GAB2: variants seen among roughly 807,000 people sequenced by gnomAD.
GAB2 encodes the protein GRB2-associated-binding protein 2.
A neutral mutation model predicts 65.5 loss-of-function variants in GAB2; 26 were observed. The observed-to-expected ratio is 0.40, with a 90% CI of 0.29 to 0.55. GAB2 has a LOEUF of 0.55. Among genes scored for constraint, GAB2 ranks in the 20% least tolerant of loss-of-function variants. The pLI is 0.53. For missense variants in GAB2, 884 were observed against 875.8 expected, an observed-to-expected ratio of 1.01 and a Z score of -0.12; for synonymous variants, 321 against 329.6, an observed-to-expected ratio of 0.97 and a Z score of 0.28.
intron 2 of GAB2, among the ~76,000 whole-genome samples, chr11:78,259,808 G>C (rs1283259876): frequency 6.6e-6 from 1 of 152,114 alleles, no homozygotes; most frequent in Non-Finnish European, 1.5e-5. Flanking sequence ...AGGCCACACA[G>C]AAGGTCAGAA....
At chr11:78,291,561 CTTTTTTTTTTTTT>C in intron 1 of GAB2, among the ~76,000 whole-genome samples, 1 of 80,896 alleles carries the variant, frequency 1.2e-5, no homozygotes, top group East Asian at 3.8e-4. Flanking sequence ...TTTTCTTTTT[CTTTTTTTTTTTTT>C]TTTTTTTTTT....
Position 78,221,974 on chromosome 11 carries a change from C to T in GAB2, c.1658+131G>A, listed in dbSNP as rs2629608. The T allele has an allele frequency of 4.7e-5, 34 of 722,668 alleles. No individual in the cohort carries two copies. In the East Asian group the frequency reaches 4.9e-4, roughly 11 times the overall value. The allele number at this position is 722,668 out of a possible 1,614,324, so 44.8% of individuals were successfully genotyped here. On this transcript the variant is annotated intron_variant, in intron 7 of 9. Coordinates refer to ENST00000361507, the MANE Select transcript of GAB2 (RefSeq NM_080491.3). ...CTGAGGAAACCAAGCCACAAGACAT[C>T]GAGACATGATCAGCTAATGATAGCG...
intron 1 of GAB2, among the ~76,000 whole-genome samples, chr11:78,369,078 C>G (rs1259299093): frequency 1.3e-5 from 2 of 148,928 alleles, no homozygotes; most frequent in Non-Finnish European, 3.0e-5. Flanking sequence ...GTCAAGGCTG[C>G]AGTGAGCAAT....
Position 78,353,805 on chromosome 11 carries a change from A to C in GAB2, c.75+63841T>G, listed in dbSNP as rs538506083. Among the ~76,000 whole-genome samples the C allele has an allele frequency of 1.2e-3, 177 of 152,370 alleles. 1 individual carries two copies. Among genetic ancestry groups the C allele is most frequent in the African/African-American group, 4.0e-3 (167 of 41,584 alleles). On this transcript the variant is annotated intron_variant, in intron 1 of 9. Transcript: ENST00000361507. ...AAATAACTGCCTATGGCTAATGACT[A>C]CTGTATTGGACAGTGCAGCTCTAGA...
At chr11:78,324,947 G>A (rs772089323) in intron 1 of GAB2, among the ~76,000 whole-genome samples, 5 of 152,088 alleles carry the variant, frequency 3.3e-5, no homozygotes, top group Admixed American at 1.3e-4. Context: ...TTAAACTTTC[G>A]GGAACTTTGC....
intron 2 of GAB2, among the ~76,000 whole-genome samples, chr11:78,253,773 A>G (rs1482088203): frequency 6.6e-6 from 1 of 152,212 alleles, no homozygotes; most frequent in Non-Finnish European, 1.5e-5. Context: ...CATTAAGCCC[A>G]GTGTGTGACA....
chr11:78,289,296 A>G (rs553943005), intron 1 of GAB2, among the ~76,000 whole-genome samples: 9 of 152,352 alleles, frequency 5.9e-5, no homozygotes, highest in African/African-American at 2.2e-4. Flanking sequence ...TGCCAAAGCA[A>G]TCAAGCATCC....
intron 1 of GAB2, among the ~76,000 whole-genome samples, chr11:78,287,371 T>TG (rs58648598): frequency 0.27 from 40,924 of 151,996 alleles, 6,630 homozygotes; most frequent in African/African-American, 0.44. Context: ...CTCAACCTCC[T>TG]GGCTCAAGTG....
chr11:78,323,653 G>A (rs1855767767), intron 1 of GAB2, among the ~76,000 whole-genome samples: 2 of 151,932 alleles, frequency 1.3e-5, no homozygotes, highest in Non-Finnish European at 2.9e-5. Flanking sequence ...GGGGGAGGGA[G>A]GAGGGGGGTA....
At chr11:78,285,624 T>G (rs1866458055) in intron 1 of GAB2, among the ~76,000 whole-genome samples, 1 of 152,172 alleles carries the variant, frequency 6.6e-6, no homozygotes, top group Non-Finnish European at 1.5e-5. Context: ...TGTGCCACTA[T>G]GCCCAGCTAA....
At chr11:78,298,522 C>T (rs1310033933) in intron 1 of GAB2, among the ~76,000 whole-genome samples, 1 of 152,216 alleles carries the variant, frequency 6.6e-6, no homozygotes, top group African/African-American at 2.4e-5. Context: ...TCAGTAATTA[C>T]ACTGATTGAA....
In GAB2 at chr11:78,228,195, A is replaced by C. The variant is rs549650318; in HGVS notation, c.621-1144T>G. Among the ~76,000 whole-genome samples, 14 of 152,300 alleles carry C rather than the reference A, an allele frequency of 9.2e-5. No homozygotes were observed. The South Asian group carries it at 1.5e-3, about 16-fold the overall frequency. Reference sequence around the variant, plus strand: ...CGATGCTCTACAAGCCCTTCGTTTCACAAGAGTGGTTTTCAAACTAGATTC... The same window carrying C: ...CGATGCTCTACAAGCCCTTCGTTTCCCAAGAGTGGTTTTCAAACTAGATTC... On this transcript the variant is annotated intron_variant, in intron 3 of 9. Transcript: ENST00000361507.
intron 1 of GAB2, among the ~76,000 whole-genome samples, chr11:78,365,004 G>A (rs779930332): frequency 2.0e-5 from 3 of 151,998 alleles, no homozygotes; most frequent in Non-Finnish European, 4.4e-5. Flanking sequence ...ATTTCAACAG[G>A]GTTTTGGGGA....
At chr11:78,385,542 G>A (rs552538647) in intron 1 of GAB2, among the ~76,000 whole-genome samples, 1 of 152,194 alleles carries the variant, frequency 6.6e-6, no homozygotes, top group Non-Finnish European at 1.5e-5. Context: ...TCACACAGGA[G>A]AGAAGCCCTT....
At chr11:78,339,840 C>A (rs1856064056) in intron 1 of GAB2, among the ~76,000 whole-genome samples, 1 of 152,190 alleles carries the variant, frequency 6.6e-6, no homozygotes, top group Admixed American at 6.5e-5. Context: ...AAAGCAAGAG[C>A]CTTTTGTTTC....
chr11:78,407,658 T>TGGCAGAAAGAAAGAAAGAAAGA (rs1857065183), intron 1 of GAB2, among the ~76,000 whole-genome samples: 1 of 117,140 alleles, frequency 8.5e-6, no homozygotes, highest in African/African-American at 3.5e-5. Flanking sequence ...AGAAAGAAAG[T>TGGCAGAAAGAAAGAAAGAAAGA]AAGAAAGAAA....
chr11:78,226,580 A>G lies in GAB2; in HGVS notation c.1092T>C (p.Pro364=), dbSNP rs1213590371. 1.9e-6 allele frequency: 2 copies of G among 1,058,712 alleles called. No homozygotes were observed. The highest frequency in any genetic ancestry group is 4.6e-5 in the Admixed American group (2 of 43,406). The allele number at this position is 1,058,712 out of a possible 1,614,324, so 65.6% of individuals were successfully genotyped here. A position where few individuals can be genotyped will look rare whatever the true frequency, so the allele number is the denominator to read the frequency against. Residue 364 remains proline (P), a synonymous_variant, in exon 4 of 10, where the codon CCT becomes CCC. Coordinates refer to ENST00000361507, the MANE Select transcript of GAB2 (RefSeq NM_080491.3). ...GTCTCTGCTGAGGACTGCCCCATCG[A>G]GGTGTTTCTGCCTGACTTGGCTTGG... ...RPPKPSQAET[P]RWGSPQQRPP...
At chr11:78,220,491 A>C (rs777848097) in intron 8 of GAB2, 47 bp from the exon 9 acceptor site, 1 of 1,516,228 alleles carries the variant, frequency 6.6e-7, no homozygotes, top group Non-Finnish European at 8.9e-7. Context: ...AAAACAGACT[A>C]ACCCACCACC....
chr11:78,387,498 T>C (rs73502935), intron 1 of GAB2, among the ~76,000 whole-genome samples: 3,740 of 152,342 alleles, frequency 0.025, 122 homozygotes, highest in African/African-American at 0.078. Context: ...ACAGTAACAG[T>C]GGTCTCTCAG....
Sources: gnomAD v4.1 joint callset for allele counts (sites outside exome capture counted in the v4.1 genomes callset) on GRCh38, gnomAD v4.1.1 for gene constraint, MANE v1.5 for transcripts, NCBI Gene and HGNC (gene_info 2026-07-23, HGNC 2026-07-21) for gene names.